The following PRKCQ variants were observed in gnomAD, a reference collection of about 807,000 sequenced individuals.
The protein encoded by PRKCQ is protein kinase C theta.
Under a neutral mutation model 91.2 loss-of-function variants are expected in PRKCQ, and 41 were observed. The observed-to-expected ratio is 0.45, with a 90% confidence interval of 0.35 to 0.58. The LOEUF (loss-of-function observed/expected upper bound fraction) is 0.58. Ranked by LOEUF, PRKCQ falls within the 20% of genes least tolerant of loss-of-function variation. The pLI, the probability that PRKCQ is intolerant of heterozygous loss-of-function variation, is 0.00. For missense variants in PRKCQ, 673 were observed against 896.5 expected, an observed-to-expected ratio of 0.75 and a Z score of 3.18; for synonymous variants, 307 against 316.9, an observed-to-expected ratio of 0.97 and a Z score of 0.33.
At chr10:6,570,381 AGAAG>A (rs1564399351) in intron 1 of PRKCQ, among the ~76,000 whole-genome samples, 1 of 152,030 alleles carries the variant, frequency 6.6e-6, no homozygotes, top group African/African-American at 2.4e-5. Context: ...TTTTTTTCAC[AGAAG>A]GAAGGGATTT....
In PRKCQ at chr10:6,435,729, G is replaced by A. The variant is rs185711193; in HGVS notation, c.1837-4791C>T. On this transcript the variant is annotated intron_variant, in intron 16 of 17. Transcript: ENST00000263125. ...TAAAACAAAAATCACAAAAAATGTC[G>A]TAATGTCATAAAGTTTAGGAATTTG... Among the ~76,000 whole-genome samples, 108 of 152,256 alleles carry A rather than the reference G, an allele frequency of 7.1e-4. 1 individual carries two copies. The highest frequency in any genetic ancestry group is 6.0e-3 in the Admixed American group (92 of 15,292).
intron 1 of PRKCQ, among the ~76,000 whole-genome samples, chr10:6,553,425 G>T (rs1259372919): frequency 6.6e-6 from 1 of 150,890 alleles, no homozygotes; most frequent in Non-Finnish European, 1.5e-5. Flanking sequence ...TGGAGGTGGA[G>T]GTTGCAGAGA....
At chr10:6,437,311 A>G (rs1423797007) in intron 16 of PRKCQ, among the ~76,000 whole-genome samples, 1 of 152,184 alleles carries the variant, frequency 6.6e-6, no homozygotes, top group Non-Finnish European at 1.5e-5. Flanking sequence ...TCTCACATGA[A>G]AGAGAGACCA....
chr10:6,560,940 G>A (rs1257103874), intron 1 of PRKCQ, among the ~76,000 whole-genome samples: 3 of 151,614 alleles, frequency 2.0e-5, no homozygotes, highest in Non-Finnish European at 4.4e-5. Context: ...TCAGGAGGCT[G>A]AGGCAGGAGA....
At chr10:6,472,150 T>C (rs1488751232) in intron 12 of PRKCQ, among the ~76,000 whole-genome samples, 1 of 151,936 alleles carries the variant, frequency 6.6e-6, no homozygotes, top group African/African-American at 2.4e-5. Flanking sequence ...CTACTAAATA[T>C]ACAAAAAATT....
chr10:6,460,480 C>CTT (rs372566562), intron 14 of PRKCQ, among the ~76,000 whole-genome samples: 1 of 149,970 alleles, frequency 6.7e-6, no homozygotes, highest in African/African-American at 2.5e-5. Context: ...CCTACTTCCC[C>CTT]TTTTTTTTTT....
intron 15 of PRKCQ, among the ~76,000 whole-genome samples, chr10:6,454,776 C>T (rs1032143394): frequency 1.3e-4 from 20 of 151,920 alleles, no homozygotes; most frequent in South Asian, 2.1e-4. Context: ...GACTCTACAG[C>T]GAAGACCACA....
chr10:6,541,179 G>A (rs907981626), intron 1 of PRKCQ, among the ~76,000 whole-genome samples: 3 of 152,140 alleles, frequency 2.0e-5, no homozygotes, highest in South Asian at 2.1e-4. Flanking sequence ...CTAAAACCCC[G>A]GAGTCCTGTT....
chr10:6,448,329 G>T (rs1834438366), intron 15 of PRKCQ, among the ~76,000 whole-genome samples: 1 of 152,142 alleles, frequency 6.6e-6, no homozygotes, highest in Admixed American at 6.5e-5. Context: ...TAGGGAGAAG[G>T]TGACTGTTTG....
chr10:6,461,009 TATCCATCC>T (rs1050597032), intron 14 of PRKCQ, among the ~76,000 whole-genome samples: 8 of 151,088 alleles, frequency 5.3e-5, no homozygotes, highest in African/African-American at 2.0e-4. Context: ...ATCCATCATT[TATCCATCC>T]ATCCATCCAG....
intron 1 of PRKCQ, among the ~76,000 whole-genome samples, chr10:6,536,454 T>C (rs1046410240): frequency 2.0e-5 from 3 of 152,188 alleles, no homozygotes; most frequent in African/African-American, 7.2e-5. Context: ...AGCAGACTTG[T>C]AGACTAATGA....
chr10:6,445,722 T>G (rs1483211226), intron 15 of PRKCQ, among the ~76,000 whole-genome samples: 1 of 152,250 alleles, frequency 6.6e-6, no homozygotes, highest in Non-Finnish European at 1.5e-5. Flanking sequence ...AAGTTTACTT[T>G]ATAATTTAGA....
At chr10:6,480,731 T>C (rs1191243184) in intron 11 of PRKCQ, among the ~76,000 whole-genome samples, 1 of 152,232 alleles carries the variant, frequency 6.6e-6, no homozygotes, top group African/African-American at 2.4e-5. Flanking sequence ...TTGTCATTTG[T>C]TTCTGTTATT....
downstream of PRKCQ, among the ~76,000 whole-genome samples, chr10:6,425,124 A>G (rs1295951354): frequency 6.6e-6 from 1 of 152,128 alleles, no homozygotes; most frequent in Non-Finnish European, 1.5e-5. Flanking sequence ...GCACTCTGGA[A>G]TGAAGCAAGA....
intron 7 of PRKCQ, among the ~76,000 whole-genome samples, chr10:6,492,492 G>A (rs1011042893): frequency 6.6e-6 from 1 of 152,110 alleles, no homozygotes; most frequent in African/African-American, 2.4e-5. Flanking sequence ...GACAGACGAG[G>A]AAATGAAGCA....
At chr10:6,568,199 A>G (rs571935569) in intron 1 of PRKCQ, among the ~76,000 whole-genome samples, 1 of 152,294 alleles carries the variant, frequency 6.6e-6, no homozygotes, top group South Asian at 2.1e-4. Context: ...TGGGTGACAG[A>G]GCGAGACTCT....
Position 6,515,332 on chromosome 10 carries a change from C to A in PRKCQ, c.-9-188G>T. 2.7e-6 allele frequency: 4 copies of A among 1,489,452 alleles called. No individual in the cohort carries two copies. In the South Asian group the frequency reaches 5.3e-5, roughly 20 times the overall value. 92.3% of individuals were successfully genotyped at this position (1,489,452 alleles called of 1,614,324 possible). ...ACTGCTGGACTCACCCAAAACCACA[C>A]ACTGACTTGCTGAGGGGAGAGGCTT... is the stretch of plus-strand genomic sequence containing the variant. On this transcript the variant is annotated intron_variant, in intron 1 of 17. Transcript: ENST00000263125.
chr10:6,404,255 G>GGGGGGGGAGA, the PRKCQ span, among the ~76,000 whole-genome samples: 2 of 34,360 alleles, frequency 5.8e-5, no homozygotes, highest in Non-Finnish European at 1.2e-4. Context: ...GAAGGGGGGG[G>GGGGGGGGAGA]GAGAGAGAGA....
chr10:6,423,553 G>A (rs74372942), downstream of PRKCQ, among the ~76,000 whole-genome samples: 2,545 of 152,224 alleles, frequency 0.017, 75 homozygotes, highest in African/African-American at 0.059. Flanking sequence ...TGACTGGAGG[G>A]CTGCCTGCAA....
Sources: gnomAD v4.1 joint callset for allele counts (sites outside exome capture counted in the v4.1 genomes callset) on GRCh38, gnomAD v4.1.1 for gene constraint, MANE v1.5 for transcripts, NCBI Gene and HGNC (gene_info 2026-07-23, HGNC 2026-07-21) for gene names.